Variants in SPOPL observed in about 807,000 individuals in gnomAD.
SPOPL encodes the protein speckle type BTB/POZ protein like, also known as speckle-type POZ protein-like.
SPOPL carries 23 observed loss-of-function variants against 53.8 expected under a neutral mutation model. The observed-to-expected ratio is 0.43, with a 90% CI of 0.31 to 0.61. SPOPL has a LOEUF of 0.61. Ranked by LOEUF, SPOPL falls within the 20% of genes least tolerant of loss-of-function variation. The probability of loss-of-function intolerance (pLI) is 0.12; values close to 1 mark genes in which losing one functional copy is unlikely to be tolerated. For missense variants in SPOPL, 442 were observed against 466.9 expected, an observed-to-expected ratio of 0.95 and a Z score of 0.49; for synonymous variants, 164 against 149.7, an observed-to-expected ratio of 1.10 and a Z score of -0.70.
intron 1 of SPOPL, among the ~76,000 whole-genome samples, chr2:138,530,306 G>A (rs1422720644): frequency 6.6e-6 from 1 of 152,128 alleles, no homozygotes; most frequent in East Asian, 1.9e-4. Flanking sequence ...GTGTGCATGT[G>A]TCTTTATGAT....
chr2:138,533,344 T>G (rs10803568), intron 1 of SPOPL, among the ~76,000 whole-genome samples: 3 of 151,932 alleles, frequency 2.0e-5, no homozygotes, highest in Non-Finnish European at 4.4e-5. Flanking sequence ...TCAGGACATT[T>G]TCTGTGTCCT....
In SPOPL at chr2:138,552,662, A is replaced by G; in HGVS notation, c.461A>G (p.Lys154Arg). 6.2e-7 allele frequency: 1 copy of G among 1,612,406 alleles called. No individual in the cohort carries two copies. The highest frequency in any genetic ancestry group is 2.2e-5 in the East Asian group (1 of 44,764). ...GCTAATGGTCTTTTACCAGATGACA[A>G]GCTTACATTATTTTGTGAGGTGGGT... ...DEANGLLPDDKLTLFCEVSVV... is the reference protein window; with the variant it reads ...DEANGLLPDDRLTLFCEVSVV... The change falls in exon 5 of 11, where the codon AAG (lysine) becomes AGG (arginine). Residue 154 changes from lysine to arginine, a missense_variant. Physicochemically the swap from Lys to Arg is conservative, Grantham distance 26. Transcript: ENST00000280098.
At chr2:138,552,044 G>A (rs1269039045) in intron 4 of SPOPL, among the ~76,000 whole-genome samples, 1 of 151,930 alleles carries the variant, frequency 6.6e-6, no homozygotes, top group Non-Finnish European at 1.5e-5. Context: ...TTTTTCACAG[G>A]TTCATGGATT....
chr2:138,556,140 A>G (rs763057278), intron 5 of SPOPL, among the ~76,000 whole-genome samples: 16 of 152,212 alleles, frequency 1.1e-4, no homozygotes, highest in Non-Finnish European at 2.2e-4. Flanking sequence ...TCTTTGGAGT[A>G]TGAAGTATTA....
intron 5 of SPOPL, among the ~76,000 whole-genome samples, chr2:138,557,394 G>C (rs1037660669): frequency 3.0e-4 from 46 of 152,268 alleles, no homozygotes; most frequent in African/African-American, 1.1e-3. Flanking sequence ...AGATTTTCTA[G>C]TTTTTCTTTA....
At chr2:138,561,055 C>A in intron 8 of SPOPL, 128 bp downstream of exon 8, 3 of 1,118,580 alleles carry the variant, frequency 2.7e-6, no homozygotes, top group Non-Finnish European at 3.8e-6. Flanking sequence ...TATGAAATAG[C>A]ATACAGTGGG....
chr2:138,559,582 A>G (rs1400284269), intron 7 of SPOPL, among the ~76,000 whole-genome samples: 1 of 152,178 alleles, frequency 6.6e-6, no homozygotes, highest in Non-Finnish European at 1.5e-5. Context: ...GATAGTTGTT[A>G]TCCAAAAGGA....
intron 1 of SPOPL, among the ~76,000 whole-genome samples, chr2:138,530,698 A>G (rs1182360558): frequency 6.6e-6 from 1 of 152,236 alleles, no homozygotes; most frequent in African/African-American, 2.4e-5. Flanking sequence ...AGTATACAGC[A>G]TCCTTGACAA....
Position 138,550,827 on chromosome 2 carries a change from TTCTCTC to T in SPOPL, c.201-59_201-54del, listed in dbSNP as rs66690846. 45 of 1,368,126 alleles carry T rather than the reference TTCTCTC, an allele frequency of 3.3e-5. No individual in the cohort carries two copies. The Middle Eastern group carries it at 7.7e-4, about 23-fold the overall frequency. The allele number at this position is 1,368,126 out of a possible 1,614,324, so 84.7% of individuals were successfully genotyped here. On this transcript the variant is annotated intron_variant, in intron 3 of 10. Coordinates refer to ENST00000280098, the MANE Select transcript of SPOPL (RefSeq NM_001001664.3). Reference sequence around the variant, plus strand: ...TGATTTCAGTGTTCTCTCTCTCTCTTTCTCTCTCTCTCTCTCTCTCTCGAATGCTTT... The same window carrying T: ...TGATTTCAGTGTTCTCTCTCTCTCTTTCTCTCTCTCTCTCTCGAATGCTTT...
At chr2:138,551,116 G>C in intron 4 of SPOPL, 62 bp downstream of exon 4, 21 of 1,566,782 alleles carry the variant, frequency 1.3e-5, no homozygotes, top group Non-Finnish European at 1.6e-5. Flanking sequence ...GACTTCTTCT[G>C]CACCTTTACC....
Position 138,550,591 on chromosome 2 carries a change from G to T in SPOPL, c.187G>T (p.Asp63Tyr). 1 of 1,599,508 alleles carries T rather than the reference G, an allele frequency of 6.3e-7. No homozygotes were observed. The highest frequency in any genetic ancestry group is 1.1e-5 in the South Asian group (1 of 89,506). The change falls in exon 3 of 11, where the codon GAC becomes TAC. Residue 63 changes from aspartate (D) to tyrosine (Y), a missense_variant. Asp to Tyr is a radical substitution (Grantham distance 160, BLOSUM62 -3). Transcript: ENST00000280098. ...KSSTFSSGPSDKMKWCLRVNP... is the reference protein window; with the variant it reads ...KSSTFSSGPSYKMKWCLRVNP... Reference sequence around the variant, plus strand: ...TTCAACATTTTCATCTGGCCCAAGTGACAAAATGAAATGGTAAGATTTTTG... The same window carrying T: ...TTCAACATTTTCATCTGGCCCAAGTTACAAAATGAAATGGTAAGATTTTTG...
chr2:138,531,919 T>G (rs1318792178), intron 1 of SPOPL, among the ~76,000 whole-genome samples: 1 of 152,222 alleles, frequency 6.6e-6, no homozygotes, highest in Non-Finnish European at 1.5e-5. Context: ...GGATTTATTT[T>G]TTCTTTTCTT....
chr2:138,539,189 G>A (rs1685006607), intron 1 of SPOPL, among the ~76,000 whole-genome samples: 1 of 152,116 alleles, frequency 6.6e-6, no homozygotes, highest in African/African-American at 2.4e-5. Context: ...TTGCTATTGT[G>A]AATAGTGCTG....
chr2:138,539,312 A>G lies in SPOPL; in HGVS notation c.-60-10845A>G, dbSNP rs539859018. ...ATGGTATTTCTAGTTCAAGATCCCT[A>G]AGGAATCGCCACACTGACTTCCACA... On this transcript the variant is annotated intron_variant, in intron 1 of 10. Transcript: ENST00000280098. Among the ~76,000 whole-genome samples, 655 of 152,124 alleles carry G rather than the reference A, an allele frequency of 4.3e-3. 4 individuals are homozygous for G. Among genetic ancestry groups the G allele is most frequent in the African/African-American group, 0.015 (619 of 41,532 alleles).
At chr2:138,539,558 C>G (rs143251361) in intron 1 of SPOPL, among the ~76,000 whole-genome samples, 2,894 of 151,886 alleles carry the variant, frequency 0.019, 97 homozygotes, top group African/African-American at 0.065. Context: ...CTTTTGAGAA[C>G]TGTTGGTTCA....
intron 3 of SPOPL, 28 bp from the exon 4 acceptor site, chr2:138,550,875 T>C: frequency 6.3e-7 from 1 of 1,591,828 alleles, no homozygotes. Context: ...ATTATATTCC[T>C]CCATGTGAGC....
At chr2:138,525,733 G>A (rs1296349392) in intron 1 of SPOPL, among the ~76,000 whole-genome samples, 1 of 151,680 alleles carries the variant, frequency 6.6e-6, no homozygotes, top group African/African-American at 2.4e-5. Context: ...GGCTACTCAG[G>A]AGGCTGAGGC....
intron 7 of SPOPL, among the ~76,000 whole-genome samples, 159 bp downstream of exon 7, chr2:138,559,496 G>A (rs1255439120): frequency 6.6e-6 from 1 of 152,138 alleles, no homozygotes; most frequent in Non-Finnish European, 1.5e-5. Flanking sequence ...TAGAACAATA[G>A]ATGTAGCTCA....
At chr2:138,568,258 A>T (rs924217596) in intron 10 of SPOPL, among the ~76,000 whole-genome samples, 4 of 152,264 alleles carry the variant, frequency 2.6e-5, no homozygotes, top group Admixed American at 2.0e-4. Context: ...CCTTAAAATA[A>T]GGTTTTGATG....
Sources: gnomAD v4.1 joint callset for allele counts (sites outside exome capture counted in the v4.1 genomes callset) on GRCh38, gnomAD v4.1.1 for gene constraint, MANE v1.5 for transcripts, NCBI Gene and HGNC (gene_info 2026-07-23, HGNC 2026-07-21) for gene names.